The following P2RY12 variants were observed in gnomAD, a reference collection of about 807,000 sequenced individuals.
The protein encoded by P2RY12 is P2Y purinoceptor 12.
A neutral mutation model predicts 4.5 loss-of-function variants in P2RY12; 3 were observed. That is an observed-to-expected ratio of 0.67 (90% CI 0.31 to 1.74). The LOEUF (loss-of-function observed/expected upper bound fraction) is 1.74. P2RY12 is among the 40% of genes most tolerant of loss of function. The pLI is 0.09. For missense variants in P2RY12, 356 were observed against 407.8 expected (o/e 0.87, Z 1.09); for synonymous variants, 148 against 154.1 (o/e 0.96, Z 0.29).
At chr3:151,368,710 A>T (rs1446400153) in intron 1 of P2RY12, among the ~76,000 whole-genome samples, 1 of 39,926 alleles carries the variant, frequency 2.5e-5, no homozygotes. Flanking sequence ...ATTTCATTTC[A>T]TTTCATTTCA....
chr3:151,345,874 AT>A (rs1418902538), intron 1 of P2RY12, among the ~76,000 whole-genome samples: 2 of 152,140 alleles, frequency 1.3e-5, no homozygotes, highest in Non-Finnish European at 2.9e-5. Flanking sequence ...CTCTTGAAAA[AT>A]AGTAGCTTCT....
rs187749772 is a variant in P2RY12, at chr3:151,345,702, G to A, written c.-179-4942C>T. Among the ~76,000 whole-genome samples, 52 of 151,844 alleles carry A rather than the reference G, an allele frequency of 3.4e-4. No individual in the cohort carries two copies. The East Asian group carries it at 8.3e-3, about 24-fold the overall frequency. On this transcript the variant is annotated intron_variant, in intron 1 of 2. Transcript: ENST00000302632. Reference sequence around the variant, plus strand: ...CTGGCTAGTTTTTGTATTTTTAGTAGAGATGGAGTTTTCCCATGTTGGCCA... The same window carrying A: ...CTGGCTAGTTTTTGTATTTTTAGTAAAGATGGAGTTTTCCCATGTTGGCCA...
chr3:151,346,068 C>G (rs1752498411), intron 1 of P2RY12, among the ~76,000 whole-genome samples: 1 of 152,164 alleles, frequency 6.6e-6, no homozygotes, highest in South Asian at 2.1e-4. Flanking sequence ...ATTCTCAACT[C>G]ATGACTTTGT....
At chr3:151,379,482 C>T (rs571912948) in intron 1 of P2RY12, among the ~76,000 whole-genome samples, 3 of 152,284 alleles carry the variant, frequency 2.0e-5, no homozygotes, top group African/African-American at 7.2e-5. Flanking sequence ...AACCAAATGC[C>T]TTGACACCTC....
chr3:151,360,666 T>G (rs986515157), intron 1 of P2RY12: 1 of 1,444,586 alleles, frequency 6.9e-7, no homozygotes, highest in African/African-American at 1.4e-5. Context: ...TTAGTGACCC[T>G]GACAATATTG....
chr3:151,371,225 C>G (rs1237859219), intron 1 of P2RY12, among the ~76,000 whole-genome samples: 1 of 152,182 alleles, frequency 6.6e-6, no homozygotes. Flanking sequence ...CTCTCAATTC[C>G]TATCCACCAG....
intron 1 of P2RY12, chr3:151,372,852 T>C: frequency 2.1e-6 from 2 of 962,130 alleles, no homozygotes; most frequent in Non-Finnish European, 3.1e-6. Flanking sequence ...AACTTGTGCA[T>C]AGGTGGGCCT....
At position 151,338,649 on chromosome 3, in the gene P2RY12, G is replaced by A. The variant is rs1189391792; in HGVS notation, c.197C>T (p.Thr66Ile). ...KSNFIIFLKN[T>I]VISDLLMILT... is the part of the protein sequence containing the mutation. ...AATCATGAGAAGATCAGAAATGACTGTGTTCTTAAGAAAAATAATAAAGTT... is the reference window on the plus strand; with the variant it reads ...AATCATGAGAAGATCAGAAATGACTATGTTCTTAAGAAAAATAATAAAGTT... Residue 66 changes from threonine to isoleucine, a missense_variant, in exon 3 of 3, where the codon ACA becomes ATA. Coordinates refer to ENST00000302632, the MANE Select transcript of P2RY12 (RefSeq NM_022788.5). 1 of 1,613,684 alleles carries A rather than the reference G, an allele frequency of 6.2e-7. No homozygotes were observed. The highest frequency in any genetic ancestry group is 8.5e-7 in the Non-Finnish European group (1 of 1,179,900).
At chr3:151,354,522 G>A (rs939941592) in intron 1 of P2RY12, among the ~76,000 whole-genome samples, 1 of 152,144 alleles carries the variant, frequency 6.6e-6, no homozygotes, top group African/African-American at 2.4e-5. Flanking sequence ...CAAAGAAGAT[G>A]CCAAGCAAGT....
chr3:151,349,867 T>A (rs1328271392), intron 1 of P2RY12, among the ~76,000 whole-genome samples: 1 of 151,644 alleles, frequency 6.6e-6, no homozygotes, highest in African/African-American at 2.4e-5. Context: ...TTTTTTTTTT[T>A]TATAATGTTA....
rs1751356812 is a variant in P2RY12 at position 151,338,532 on chromosome 3, T to C, written c.314A>G (p.Tyr105Cys). 5.6e-6 allele frequency: 9 copies of C among 1,613,942 alleles called. No homozygotes were observed. Among genetic ancestry groups the C allele is most frequent in the Non-Finnish European group, 7.6e-6 (9 of 1,179,964 alleles). ...TGAAATACTGATATACATTGTGAAA[T>C]AAAATATGACGGAGGTAACTTGACA... ...FVCQVTSVIF[Y>C]FTMYISISFL... Residue 105 changes from tyrosine to cysteine, a missense_variant, in exon 3 of 3, where the codon TAT (tyrosine) becomes TGT (cysteine). Tyr to Cys is a radical substitution (Grantham distance 194). Transcript: ENST00000302632.
intron 1 of P2RY12, among the ~76,000 whole-genome samples, chr3:151,349,522 G>T (rs558032989): frequency 1.3e-5 from 2 of 152,224 alleles, no homozygotes; most frequent in Non-Finnish European, 2.9e-5. Flanking sequence ...GTCCTCAAGA[G>T]ATCCTCCCAC....
chr3:151,337,863 T>C lies in P2RY12; in HGVS notation c.983A>G (p.Lys328Arg). ...SATSLSQDNR[K>R]KEQDGGDPNE... ...TGGGTCACCACCATCCTGTTCTTTT[T>C]TCCTATTGTCCTGGGACAGAGATGT... The change falls in exon 3 of 3, where the codon AAA (lysine) becomes AGA (arginine). Residue 328 changes from lysine (K) to arginine (R), a missense_variant. Coordinates refer to ENST00000302632, the MANE Select transcript of P2RY12 (RefSeq NM_022788.5). 4 of 1,614,150 alleles carry C rather than the reference T, an allele frequency of 2.5e-6. No homozygotes were observed. The South Asian group carries it at 4.4e-5, about 18-fold the overall frequency.
intron 1 of P2RY12, chr3:151,365,835 C>A: frequency 6.3e-7 from 1 of 1,599,312 alleles, no homozygotes; most frequent in Non-Finnish European, 8.5e-7. Flanking sequence ...TCTGTGTCTT[C>A]TTTTTCTTTT....
In P2RY12 at chr3:151,338,668, T is replaced by C; in HGVS notation, c.178A>G (p.Ile60Val). 1 of 1,613,810 alleles carries C rather than the reference T, an allele frequency of 6.2e-7. No individual in the cohort carries two copies. The highest frequency in any genetic ancestry group is 1.1e-5 in the South Asian group (1 of 91,062). ...FFQIRSKSNF[I>V]IFLKNTVISD... The stretch of plus-strand genomic sequence containing the variant: ...ATGACTGTGTTCTTAAGAAAAATAA[T>C]AAAGTTTGATTTACTCCGGATTTGA... The change falls in exon 3 of 3, where the codon ATT (isoleucine) becomes GTT (valine). Residue 60 changes from isoleucine (I) to valine (V), a missense_variant. Coordinates refer to ENST00000302632, the MANE Select transcript of P2RY12 (RefSeq NM_022788.5).
chr3:151,367,002 G>C (rs989873786), intron 1 of P2RY12, among the ~76,000 whole-genome samples: 2 of 152,116 alleles, frequency 1.3e-5, no homozygotes, highest in Non-Finnish European at 2.9e-5. Context: ...CATATGGTGC[G>C]AATCAGTATG....
intron 1 of P2RY12, among the ~76,000 whole-genome samples, chr3:151,347,011 G>T (rs1560057501): frequency 6.6e-6 from 1 of 152,062 alleles, no homozygotes; most frequent in Non-Finnish European, 1.5e-5. Context: ...ATTTTAACTA[G>T]TGGATACATC....
At chr3:151,359,075 C>T (rs967535154) in intron 1 of P2RY12, among the ~76,000 whole-genome samples, 6 of 152,102 alleles carry the variant, frequency 3.9e-5, no homozygotes, top group Non-Finnish European at 7.4e-5. Context: ...GACCTTTCCT[C>T]TGCTCTCTGT....
chr3:151,361,610 T>C (rs1470852737), intron 1 of P2RY12, among the ~76,000 whole-genome samples: 1 of 152,164 alleles, frequency 6.6e-6, no homozygotes, highest in Non-Finnish European at 1.5e-5. Flanking sequence ...TGTATTTTTA[T>C]AAATATTTTT....
Sources: gnomAD v4.1 joint callset for allele counts (sites outside exome capture counted in the v4.1 genomes callset) on GRCh38, gnomAD v4.1.1 for gene constraint, MANE v1.5 for transcripts, NCBI Gene and HGNC (gene_info 2026-07-23, HGNC 2026-07-21) for gene names.